MACROD2: variants seen among roughly 807,000 people sequenced by gnomAD.
MACROD2 encodes ADP-ribose glycohydrolase MACROD2.
A neutral mutation model predicts 70.4 loss-of-function variants in MACROD2; 36 were observed. That is an observed-to-expected ratio of 0.51 (90% CI 0.39 to 0.68). The LOEUF (loss-of-function observed/expected upper bound fraction) is 0.68, where lower values mean the gene tolerates loss of function less well. Among genes scored for constraint, MACROD2 ranks in the 30% least tolerant of loss-of-function variants. MACROD2 has a pLI of 0.00. For synonymous variants in MACROD2, 172 were observed against 178.8 expected, an observed-to-expected ratio of 0.96 and a Z score of 0.30; for missense variants, 496 against 538.4, an observed-to-expected ratio of 0.92 and a Z score of 0.78.
chr20:15,397,434 A>G (rs573570271), intron 6 of MACROD2, among the ~76,000 whole-genome samples: 34 of 152,160 alleles, frequency 2.2e-4, no homozygotes, highest in Admixed American at 1.7e-3. Flanking sequence ...AGCTGGGACT[A>G]CAGGCATGTG....
intron 3 of MACROD2, among the ~76,000 whole-genome samples, chr20:14,272,369 C>T (rs1037600781): frequency 5.3e-5 from 8 of 151,976 alleles, no homozygotes; most frequent in East Asian, 3.9e-4. Context: ...AATTTTCAAC[C>T]CAGAATTTCA....
At chr20:14,066,328 T>C (rs1197381851) in intron 2 of MACROD2, among the ~76,000 whole-genome samples, 3 of 152,208 alleles carry the variant, frequency 2.0e-5, no homozygotes, top group East Asian at 3.9e-4. Context: ...TATCTTATTC[T>C]CTGCTAGACC....
chr20:14,865,614 A>G (rs1365009311), intron 5 of MACROD2, among the ~76,000 whole-genome samples: 1 of 152,044 alleles, frequency 6.6e-6, no homozygotes, highest in Non-Finnish European at 1.5e-5. Context: ...TTTGTTTCAA[A>G]TCCTCTTTTA....
intron 5 of MACROD2, among the ~76,000 whole-genome samples, chr20:14,921,314 G>A (rs993028918): frequency 6.6e-6 from 1 of 152,158 alleles, no homozygotes; most frequent in African/African-American, 2.4e-5. Context: ...GGCATGTGAT[G>A]TAATTTAAAC....
chr20:15,584,086 G>A (rs900247221), intron 8 of MACROD2, among the ~76,000 whole-genome samples: 2 of 152,120 alleles, frequency 1.3e-5, no homozygotes, highest in Non-Finnish European at 2.9e-5. Context: ...TCTTCCAAAC[G>A]ACTCCAAAGA....
chr20:15,965,195 A>G (rs1463803363), intron 12 of MACROD2, among the ~76,000 whole-genome samples: 1 of 152,232 alleles, frequency 6.6e-6, no homozygotes, highest in Non-Finnish European at 1.5e-5. Context: ...TCTTGGACGC[A>G]ATGAAATGCA....
intron 3 of MACROD2, among the ~76,000 whole-genome samples, chr20:14,153,034 A>G (rs1287957885): frequency 6.6e-6 from 1 of 152,228 alleles, no homozygotes; most frequent in African/African-American, 2.4e-5. Context: ...ATTAAATGTT[A>G]TTATAGATAG....
chr20:15,771,398 G>A (rs1226821587), intron 8 of MACROD2, among the ~76,000 whole-genome samples: 2 of 150,250 alleles, frequency 1.3e-5, no homozygotes, highest in Non-Finnish European at 2.9e-5. Flanking sequence ...GTTCAGGCTG[G>A]TCTCAAATTC....
In MACROD2 at chr20:14,845,806, A is replaced by G. The variant is rs1489980259; in HGVS notation, c.418+160847A>G. On this transcript the variant is annotated intron_variant, in intron 5 of 17. Transcript: ENST00000684519. ...AGGAGGTACAGAGGTTGGCTATAGA[A>G]ATGAGTCACGACCAGTCAGATTTGG... 2.0e-5 allele frequency among the ~76,000 whole-genome samples: 3 copies of G among 152,050 alleles called. No individual in the cohort carries two copies. In the East Asian group the frequency reaches 5.8e-4, roughly 29 times the overall value.
At chr20:15,660,165 A>G (rs1034073481) in intron 8 of MACROD2, among the ~76,000 whole-genome samples, 3 of 152,184 alleles carry the variant, frequency 2.0e-5, no homozygotes, top group Admixed American at 1.3e-4. Flanking sequence ...AGAGAACAAA[A>G]AAGAAGTCAG....
intron 8 of MACROD2, among the ~76,000 whole-genome samples, chr20:15,626,709 G>A (rs376413857): frequency 6.6e-6 from 1 of 152,048 alleles, no homozygotes; most frequent in Admixed American, 6.6e-5. Context: ...ACAAAAATTA[G>A]CCAGGCATGG....
chr20:15,884,505 G>A (rs923624592), intron 9 of MACROD2, among the ~76,000 whole-genome samples: 3 of 152,066 alleles, frequency 2.0e-5, no homozygotes, highest in African/African-American at 7.2e-5. Context: ...TCATTAGGCA[G>A]AGGGCAGTCA....
At chr20:15,270,602 A>G (rs2077337644) in intron 6 of MACROD2, among the ~76,000 whole-genome samples, 1 of 152,184 alleles carries the variant, frequency 6.6e-6, no homozygotes, top group South Asian at 2.1e-4. Flanking sequence ...ATTTTACAAT[A>G]CAATAACCTA....
At chr20:15,308,917 C>A (rs2077724755) in intron 6 of MACROD2, among the ~76,000 whole-genome samples, 2 of 152,150 alleles carry the variant, frequency 1.3e-5, no homozygotes, top group African/African-American at 4.8e-5. Context: ...GCTGTTCTCC[C>A]AAAGCATGGA....
At chr20:15,095,814 G>T (rs1417285179) in intron 5 of MACROD2, among the ~76,000 whole-genome samples, 1 of 152,072 alleles carries the variant, frequency 6.6e-6, no homozygotes, top group African/African-American at 2.4e-5. Context: ...ACCGTGCCCA[G>T]CCAGAAAGGT....
At chr20:15,555,263 C>T (rs2146595248) in intron 8 of MACROD2, among the ~76,000 whole-genome samples, 1 of 152,238 alleles carries the variant, frequency 6.6e-6, no homozygotes, top group Non-Finnish European at 1.5e-5. Context: ...AGAATAATGA[C>T]CAATTCCAGT....
chr20:14,187,731 G>A (rs913723538), intron 3 of MACROD2, among the ~76,000 whole-genome samples: 1 of 152,166 alleles, frequency 6.6e-6, no homozygotes. Flanking sequence ...GGACCAATTA[G>A]TCTTAGCCAA....
At chr20:14,459,625 C>T (rs753322054) in intron 3 of MACROD2, among the ~76,000 whole-genome samples, 63 of 151,814 alleles carry the variant, frequency 4.1e-4, no homozygotes, top group Non-Finnish European at 7.4e-4. Context: ...TGAATTTTAC[C>T]AGTTCTAATT....
intron 3 of MACROD2, among the ~76,000 whole-genome samples, chr20:14,398,496 G>C (rs1354773208): frequency 6.6e-6 from 1 of 151,270 alleles, no homozygotes; most frequent in African/African-American, 2.4e-5. Context: ...TTTCCCTGAT[G>C]ATTAGTGATG....
Sources: allele counts gnomAD v4.1 joint callset (sites outside exome capture counted in the v4.1 genomes callset), GRCh38; gene constraint gnomAD v4.1.1; transcripts MANE v1.5; gene names NCBI Gene and HGNC (gene_info 2026-07-23, HGNC 2026-07-21).